The following TRPM6 variants were observed in gnomAD, a reference collection of about 807,000 sequenced individuals.
TRPM6 encodes channel kinase 2.
Under a neutral mutation model 247.6 loss-of-function variants are expected in TRPM6, and 111 were observed. The ratio of observed to expected loss-of-function variants is 0.45; its 90% CI spans 0.38 to 0.52. The LOEUF (loss-of-function observed/expected upper bound fraction) is 0.52. Ranked by LOEUF, TRPM6 falls within the 20% of genes least tolerant of loss-of-function variation. The probability of loss-of-function intolerance (pLI) is 0.00; values close to 1 mark genes in which losing one functional copy is unlikely to be tolerated. For synonymous variants in TRPM6, 892 were observed against 853.8 expected, an observed-to-expected ratio of 1.04 and a Z score of -0.78; for missense variants, 2,126 against 2,421.5, an observed-to-expected ratio of 0.88 and a Z score of 2.56.
intron 36 of TRPM6, chr9:74,737,298 G>T: frequency 8.8e-7 from 1 of 1,138,850 alleles, no homozygotes; most frequent in Non-Finnish European, 1.1e-6. Context: ...TTAAAAATTT[G>T]TGTCACATCC....
Position 74,821,793 on chromosome 9 carries a change from C to G in TRPM6, c.886G>C (p.Gly296Arg). ...VPVVGLVVEG[G>R]PNVILSVWET... ...CACACTGACAGGATGACGTTGGGAC[C>G]GCCTTCCACCACCAGCCCCACGACC... Residue 296 changes from glycine (G) to arginine (R), a missense_variant, in exon 8 of 39, where the codon GGT becomes CGT. By Grantham distance (125) the Gly-to-Arg change is moderately radical. Around this residue, in one of 3 missense-constraint regions of TRPM6, gnomAD observed 1,082 missense variants for 1,307.9 expected, o/e 0.83. Coordinates refer to ENST00000360774, the MANE Select transcript of TRPM6 (RefSeq NM_017662.5). 2 of 1,614,150 alleles carry G rather than the reference C, an allele frequency of 1.2e-6. No individual in the cohort carries two copies. Among genetic ancestry groups the G allele is most frequent in the Non-Finnish European group, 1.7e-6 (2 of 1,180,030 alleles).
intron 5 of TRPM6, among the ~76,000 whole-genome samples, chr9:74,837,748 CTTT>C (rs3056761): frequency 0.3 from 40,932 of 137,388 alleles, 6,655 homozygotes; most frequent in East Asian, 0.53. Flanking sequence ...GCCCGGCCCC[CTTT>C]TTTTTTTTTT....
chr9:74,816,546 A>G (rs757445104), intron 11 of TRPM6, 123 bp downstream of exon 11: 12 of 764,430 alleles, frequency 1.6e-5, no homozygotes, highest in Non-Finnish European at 2.2e-5. Flanking sequence ...TATCCCAGCT[A>G]CAGAGATGCT....
chr9:74,871,455 C>T (rs562874540), intron 1 of TRPM6, among the ~76,000 whole-genome samples: 34 of 152,138 alleles, frequency 2.2e-4, no homozygotes, highest in Middle Eastern at 3.4e-3. Flanking sequence ...ATGTAATAAC[C>T]TTATATATAG....
intron 18 of TRPM6, among the ~76,000 whole-genome samples, chr9:74,793,757 T>C (rs1415024582): frequency 6.6e-6 from 1 of 152,214 alleles, no homozygotes; most frequent in East Asian, 1.9e-4. Context: ...ATGTGCTCTC[T>C]GAGCTTCCAG....
chr9:74,756,316 T>C (rs1826428213), intron 27 of TRPM6, among the ~76,000 whole-genome samples: 1 of 81,800 alleles, frequency 1.2e-5, no homozygotes, highest in African/African-American at 3.8e-5. Context: ...GCTGAGGTAT[T>C]TTTTTAATGC....
At chr9:74,843,289 A>G (rs1359369197) in intron 3 of TRPM6, among the ~76,000 whole-genome samples, 1 of 152,128 alleles carries the variant, frequency 6.6e-6, no homozygotes, top group Non-Finnish European at 1.5e-5. Context: ...GACTTCCTCC[A>G]CTGAAGTCTT....
chr9:74,862,516 C>A (rs374865316), intron 1 of TRPM6, among the ~76,000 whole-genome samples: 15 of 152,294 alleles, frequency 9.8e-5, no homozygotes, highest in South Asian at 6.2e-4. Context: ...GATTTTATAT[C>A]TAATCTTTGG....
intron 1 of TRPM6, among the ~76,000 whole-genome samples, chr9:74,876,285 T>G (rs1831189543): frequency 6.6e-6 from 1 of 152,188 alleles, no homozygotes; most frequent in South Asian, 2.1e-4. Flanking sequence ...GGTTTCATCA[T>G]GCTGGTCAGG....
chr9:74,855,363 C>T (rs377355227), intron 3 of TRPM6, among the ~76,000 whole-genome samples, 164 bp downstream of exon 3: 1 of 152,150 alleles, frequency 6.6e-6, no homozygotes, highest in African/African-American at 2.4e-5. Context: ...CTATTACGTT[C>T]GAATACTCAC....
At chr9:74,735,666 T>G (rs1206995472) in intron 36 of TRPM6, among the ~76,000 whole-genome samples, 1 of 152,234 alleles carries the variant, frequency 6.6e-6, no homozygotes, top group Non-Finnish European at 1.5e-5. Context: ...TACAATTGTT[T>G]TTAATTCCTG....
In TRPM6 at chr9:74,762,305, C is replaced by T. The variant is rs1826672787; in HGVS notation, c.4366G>A (p.Ala1456Thr). ...CCAGTTTCATCACCTTCTGAAAATG[C>T]CCAGTTTACATATCCACCTCCAGTT... Reference protein sequence around the residue: ...MQTGGGYVNWAFSEGDETGVF... With the variant: ...MQTGGGYVNWTFSEGDETGVF... The change falls in exon 26 of 39, where the codon GCA becomes ACA. Residue 1456 changes from alanine (A) to threonine (T), a missense_variant. Physicochemically the swap from Ala to Thr is moderately conservative, Grantham distance 58. This residue lies in a region of TRPM6 where 717 missense variants were observed against 715.9 expected (regional missense o/e 1.00). Transcript: ENST00000360774. The T allele has an allele frequency of 1.2e-6, 2 of 1,614,184 alleles. No homozygotes were observed. The highest frequency in any genetic ancestry group is 8.5e-7 in the Non-Finnish European group (1 of 1,180,034).
At chr9:74,852,739 C>G (rs1393036819) in intron 3 of TRPM6, among the ~76,000 whole-genome samples, 2 of 152,210 alleles carry the variant, frequency 1.3e-5, no homozygotes, top group Non-Finnish European at 2.9e-5. Context: ...GTGATCTGCC[C>G]GCCTCGGCCT....
chr9:74,856,369 G>C (rs1015872512), intron 2 of TRPM6, among the ~76,000 whole-genome samples: 2 of 152,112 alleles, frequency 1.3e-5, no homozygotes, highest in African/African-American at 4.8e-5. Context: ...GAGTCCAGGA[G>C]GTCGAGGCTT....
At chr9:74,813,627 T>C (rs1329771480) in intron 11 of TRPM6, among the ~76,000 whole-genome samples, 1 of 152,194 alleles carries the variant, frequency 6.6e-6, no homozygotes, top group Non-Finnish European at 1.5e-5. Context: ...CTCAAACCTA[T>C]AGGCAACCTC....
rs1290757902 is a variant in TRPM6 at position 74,800,497 on chromosome 9, G to A, written c.2010-15C>T. ...GGCCAAACTGTCTGCCATGAGGGTG[G>A]CCAATTAAGAAAACAAAGGCAGGTG... On this transcript the variant is annotated splice_polypyrimidine_tract_variant and intron_variant, in intron 16 of 38. Coordinates refer to ENST00000360774, the MANE Select transcript of TRPM6 (RefSeq NM_017662.5). 1.2e-6 allele frequency: 2 copies of A among 1,600,286 alleles called. No individual in the cohort carries two copies. Among genetic ancestry groups the A allele is most frequent in the African/African-American group, 2.7e-5 (2 of 74,528 alleles).
chr9:74,884,504 T>TATACATACATACATAC (rs4013871), intron 1 of TRPM6, among the ~76,000 whole-genome samples: 5 of 147,998 alleles, frequency 3.4e-5, no homozygotes, highest in Non-Finnish European at 7.5e-5. Flanking sequence ...TAAATACATA[T>TATACATACATACATAC]ATACATACAT....
At position 74,722,649 on chromosome 9, in the gene TRPM6, T is replaced by G. The variant is rs1825181687; in HGVS notation, c.*1964A>C. The stretch of plus-strand genomic sequence containing the variant: ...CACTGAGGTGAGTACCAATTGTTCC[T>G]TTACTGACTTGTAGAATAGGATAAA... On this transcript the variant is annotated 3_prime_UTR_variant, in exon 39 of 39. Coordinates refer to ENST00000360774, the MANE Select transcript of TRPM6 (RefSeq NM_017662.5). 6.6e-6 allele frequency: 1 copy of G among 152,218 alleles called. No individual in the cohort carries two copies. Among genetic ancestry groups the G allele is most frequent in the Non-Finnish European group, 1.5e-5 (1 of 68,040 alleles). 9.4% of individuals were successfully genotyped at this position (152,218 alleles called of 1,614,324 possible). A position where few individuals can be genotyped will look rare whatever the true frequency, so the allele number is the denominator to read the frequency against.
At position 74,752,384 on chromosome 9, in the gene TRPM6, A is replaced by G. The variant is rs1826279059; in HGVS notation, c.4907-16T>C. 1 of 1,365,942 alleles carries G rather than the reference A, an allele frequency of 7.3e-7. No individual in the cohort carries two copies. Among genetic ancestry groups the G allele is most frequent in the East Asian group, 2.3e-5 (1 of 43,090 alleles). The allele number at this position is 1,365,942 out of a possible 1,614,324, so 84.6% of individuals were successfully genotyped here. ...GGTTCTACACCTTGTAAAGAGGAAG[A>G]GAAAGATTAGAAAATACATGAAAAT... is the stretch of plus-strand genomic sequence containing the variant. On this transcript the variant is annotated splice_polypyrimidine_tract_variant and intron_variant, in intron 28 of 38. Transcript: ENST00000360774.
Sources: allele counts gnomAD v4.1 joint callset (sites outside exome capture counted in the v4.1 genomes callset), GRCh38; gene constraint gnomAD v4.1.1; regional missense constraint gnomAD v4.1.1; transcripts MANE v1.5; gene names NCBI Gene and HGNC (gene_info 2026-07-23, HGNC 2026-07-21).